The following CCNJL variants were observed in gnomAD, a reference collection of about 807,000 sequenced individuals.
The protein encoded by CCNJL is cyclin J like.
Under a neutral mutation model 33.4 loss-of-function variants are expected in CCNJL, and 33 were observed. The observed-to-expected ratio is 0.99, with a 90% CI of 0.75 to 1.32. CCNJL has a LOEUF of 1.32. Among genes scored for constraint, CCNJL ranks in the 40% most tolerant of loss-of-function variants. CCNJL has a pLI of 0.00. For synonymous variants in CCNJL, 227 were observed against 220.9 expected, an observed-to-expected ratio of 1.03 and a Z score of -0.24; for missense variants, 512 against 499.7, an observed-to-expected ratio of 1.02 and a Z score of -0.23.
At chr5:160,316,576 C>A (rs919399510), upstream of CCNJL, among the ~76,000 whole-genome samples, 1 of 152,206 alleles carries the variant, frequency 6.6e-6, no homozygotes, top group Non-Finnish European at 1.5e-5. Context: ...TACACGTTCT[C>A]CCTCTGGTCC....
intron 2 of CCNJL, among the ~76,000 whole-genome samples, chr5:160,292,104 C>T (rs368591645): frequency 1.3e-5 from 2 of 152,126 alleles, no homozygotes; most frequent in Non-Finnish European, 2.9e-5. Flanking sequence ...CTGCTTCCTC[C>T]GTGGAAACCC....
chr5:160,290,887 C>T (rs1188435864), intron 2 of CCNJL, among the ~76,000 whole-genome samples: 4 of 151,746 alleles, frequency 2.6e-5, no homozygotes, highest in Admixed American at 2.0e-4. Flanking sequence ...ATTCCCAGTA[C>T]TCATGAAGAC....
At chr5:160,254,764 T>A (rs1282668037) in intron 5 of CCNJL, 1 of 160,660 alleles carries the variant, frequency 6.2e-6, no homozygotes, top group Non-Finnish European at 1.4e-5. Context: ...GGTGTTGGGC[T>A]CATGATGCCT....
chr5:160,257,588 G>A (rs1293572741), intron 4 of CCNJL, among the ~76,000 whole-genome samples: 2 of 152,110 alleles, frequency 1.3e-5, no homozygotes, highest in African/African-American at 4.8e-5. Flanking sequence ...AGAGGTGGGA[G>A]GATAGCTTGA....
At chr5:160,336,999 C>CT (rs1763690401) in intron 1 of CCNJL, among the ~76,000 whole-genome samples, 2 of 111,714 alleles carry the variant, frequency 1.8e-5, no homozygotes, top group African/African-American at 7.2e-5. Context: ...CTTTCTTTTT[C>CT]TTTCTTTTTT....
intron 2 of CCNJL, among the ~76,000 whole-genome samples, chr5:160,302,979 G>A (rs1187359094): frequency 6.6e-6 from 1 of 152,222 alleles, no homozygotes; most frequent in East Asian, 1.9e-4. Context: ...CTTCTGCGGA[G>A]GGAAATTTGG....
intron 3 of CCNJL, among the ~76,000 whole-genome samples, chr5:160,269,765 G>A (rs1218992559): frequency 6.6e-6 from 1 of 152,168 alleles, no homozygotes; most frequent in Non-Finnish European, 1.5e-5. Flanking sequence ...CACAGCCAAG[G>A]AAGGACGTGG....
At chr5:160,310,469 A>G (rs746715306) in intron 2 of CCNJL, among the ~76,000 whole-genome samples, 1 of 152,170 alleles carries the variant, frequency 6.6e-6, no homozygotes, top group Non-Finnish European at 1.5e-5. Context: ...TGAGGTAAAA[A>G]CACTGAGTAG....
intron 2 of CCNJL, among the ~76,000 whole-genome samples, chr5:160,305,417 G>A (rs533565632): frequency 6.6e-6 from 1 of 152,226 alleles, no homozygotes; most frequent in East Asian, 1.9e-4. Flanking sequence ...GAGGGGAGAG[G>A]CACCACACAC....
chr5:160,290,274 AT>A (rs370693200), intron 2 of CCNJL, among the ~76,000 whole-genome samples: 13,554 of 147,558 alleles, frequency 0.092, 621 homozygotes, highest in Non-Finnish European at 0.1. Flanking sequence ...TATTTATTTA[AT>A]TTTTTTTTTT....
chr5:160,336,483 A>C (rs116644951), intron 1 of CCNJL, among the ~76,000 whole-genome samples: 1 of 152,228 alleles, frequency 6.6e-6, no homozygotes, highest in Admixed American at 6.5e-5. Context: ...AAGGAACAGA[A>C]TCCAACCAAG....
At chr5:160,301,120 C>T (rs1044077147) in intron 2 of CCNJL, among the ~76,000 whole-genome samples, 10 of 152,092 alleles carry the variant, frequency 6.6e-5, no homozygotes, top group African/African-American at 2.4e-4. Flanking sequence ...TCAAATGGTG[C>T]ACGAGAAGCA....
chr5:160,300,436 G>T (rs1322252556), intron 2 of CCNJL, among the ~76,000 whole-genome samples: 1 of 152,158 alleles, frequency 6.6e-6, no homozygotes, highest in East Asian at 1.9e-4. Flanking sequence ...TAGCACAAGC[G>T]TGTCCAACCC....
chr5:160,270,902 G>T (rs1018399757), intron 3 of CCNJL, among the ~76,000 whole-genome samples: 2 of 152,130 alleles, frequency 1.3e-5, no homozygotes, highest in South Asian at 4.1e-4. Flanking sequence ...AGAATATCTC[G>T]GCATGAACCT....
Position 160,255,796 on chromosome 5 carries a change from G to T in CCNJL, c.584-88C>A, listed in dbSNP as rs1383216291. The T allele has an allele frequency of 2.6e-6, 3 of 1,136,060 alleles. No individual in the cohort carries two copies. In the East Asian group the frequency reaches 7.1e-5, roughly 27 times the overall value. 70.4% of individuals were successfully genotyped at this position (1,136,060 alleles called of 1,614,324 possible). On this transcript the variant is annotated intron_variant, in intron 4 of 5. Transcript: ENST00000257536. ...CTGAGAATGGATGGACAAATGAATC[G>T]CTTTCAAGGCTTTTCATCGCTGCCC...
At chr5:160,308,370 T>C (rs780301985) in intron 2 of CCNJL, among the ~76,000 whole-genome samples, 8 of 152,346 alleles carry the variant, frequency 5.3e-5, no homozygotes, top group Non-Finnish European at 1.0e-4. Flanking sequence ...GCTGTGTTCA[T>C]GGCACTGAGG....
intron 1 of CCNJL, among the ~76,000 whole-genome samples, chr5:160,333,124 AT>A (rs1013125021): frequency 5.4e-3 from 770 of 143,078 alleles, no homozygotes; most frequent in Middle Eastern, 0.015. Flanking sequence ...GTCTCTACAA[AT>A]TTTTTTTTTT....
intron 2 of CCNJL, among the ~76,000 whole-genome samples, chr5:160,303,058 T>C (rs2113431530): frequency 6.6e-6 from 1 of 152,284 alleles, no homozygotes. Context: ...AAAATCACAT[T>C]CATGTGTTAT....
At chr5:160,311,669 C>CTA (rs1437906031) in intron 2 of CCNJL, among the ~76,000 whole-genome samples, 189 bp downstream of exon 2, 1 of 152,286 alleles carries the variant, frequency 6.6e-6, no homozygotes, top group East Asian at 1.9e-4. Context: ...ACTTCAATCT[C>CTA]TCCCATCTCC....
Sources: allele counts gnomAD v4.1 joint callset (sites outside exome capture counted in the v4.1 genomes callset), GRCh38; gene constraint gnomAD v4.1.1; transcripts MANE v1.5; gene names NCBI Gene and HGNC (gene_info 2026-07-23, HGNC 2026-07-21).